HMG20A: variants seen among roughly 807,000 people sequenced by gnomAD.
HMG20A encodes the protein high mobility group protein 20A.
In HMG20A, 17 loss-of-function variants were observed where a neutral mutation model predicts 43.9. The observed-to-expected ratio is 0.39, with a 90% CI of 0.27 to 0.58. The LOEUF (loss-of-function observed/expected upper bound fraction) is 0.58. Among genes scored for constraint, HMG20A ranks in the 20% least tolerant of loss-of-function variants. The pLI is 0.59. For missense variants in HMG20A, 341 were observed against 438.2 expected, an observed-to-expected ratio of 0.78 and a Z score of 1.98; for synonymous variants, 132 against 147.5, an observed-to-expected ratio of 0.89 and a Z score of 0.76.
chr15:77,500,267 A>T, the HMG20A span, among the ~76,000 whole-genome samples: 1 of 152,232 alleles, frequency 6.6e-6, no homozygotes, highest in Non-Finnish European at 1.5e-5. Flanking sequence ...AAGGACCTAA[A>T]GCCACATAGC....
chr15:77,473,656 C>T (rs1237947224), intron 6 of HMG20A, among the ~76,000 whole-genome samples: 1 of 152,188 alleles, frequency 6.6e-6, no homozygotes, highest in African/African-American at 2.4e-5. Context: ...GAACCTGCTG[C>T]TGATTATTTG....
intron 1 of HMG20A, among the ~76,000 whole-genome samples, chr15:77,439,527 C>A (rs534407436): frequency 6.6e-6 from 1 of 152,096 alleles, no homozygotes; most frequent in African/African-American, 2.4e-5. Flanking sequence ...CTTGGCTCAT[C>A]ATTATATCTA....
Position 77,433,918 on chromosome 15 carries a change from A to G in HMG20A, c.-5+12914A>G, listed in dbSNP as rs149012091. 4.2e-3 allele frequency among the ~76,000 whole-genome samples: 645 copies of G among 152,356 alleles called. 7 individuals carry two copies. The highest frequency in any genetic ancestry group is 0.011 in the Admixed American group (167 of 15,304). ...AGTTGATTCTAAAATTCACATAGAC[A>G]TGAAAAGGACTAAGTAGTCAAGACA... On this transcript the variant is annotated intron_variant, in intron 1 of 9. Coordinates refer to ENST00000336216, the MANE Select transcript of HMG20A (RefSeq NM_001304504.2).
In HMG20A at chr15:77,433,338, T is replaced by TAAAA. The variant is rs56217820; in HGVS notation, c.-5+12354_-5+12357dup. 2.3e-3 allele frequency among the ~76,000 whole-genome samples: 269 copies of TAAAA among 118,518 alleles called. 1 individual carries two copies. The highest frequency in any genetic ancestry group is 6.2e-3 in the African/African-American group (183 of 29,680). 77.8% of individuals were successfully genotyped at this position (118,518 alleles called of 152,430 possible). A position where few individuals can be genotyped will look rare whatever the true frequency, so the allele number is the denominator to read the frequency against. On this transcript the variant is annotated intron_variant, in intron 1 of 9. Transcript: ENST00000336216. ...GCCTGGATGTTAGAGACCCTGTCTCTAAAAAAAAAAAAAAAAAAAAAAATT... is the reference window on the plus strand; with the variant it reads ...GCCTGGATGTTAGAGACCCTGTCTCTAAAAAAAAAAAAAAAAAAAAAAAAAAATT...
chr15:77,481,231 A>G lies in HMG20A; in HGVS notation c.*7-1739A>G, dbSNP rs143704200. Among the ~76,000 whole-genome samples the G allele has an allele frequency of 4.3e-3, 652 of 152,286 alleles. 1 individual carries two copies. Among genetic ancestry groups the G allele is most frequent in the African/African-American group, 0.013 (556 of 41,566 alleles). On this transcript the variant is annotated intron_variant, in intron 9 of 9. Coordinates refer to ENST00000336216, the MANE Select transcript of HMG20A (RefSeq NM_001304504.2). ...ATGCTCTGATGGGGAAAGGATTACT[A>G]TCCTTCTAGGGAGTAGCCAGATGGA...
At chr15:77,497,686 T>A in the HMG20A span, among the ~76,000 whole-genome samples, 5,601 of 69,524 alleles carry the variant, frequency 0.081, 285 homozygotes, top group African/African-American at 0.2. Flanking sequence ...AGAGAGAGTG[T>A]GTGTGTGTGT....
In HMG20A at chr15:77,478,331, A is replaced by T. The variant is rs202005653; in HGVS notation, c.728A>T (p.Asn243Ile). The T allele has an allele frequency of 5.0e-6, 8 of 1,613,572 alleles. No individual in the cohort carries two copies. The highest frequency in any genetic ancestry group is 1.7e-6 in the Non-Finnish European group (2 of 1,180,042). The change falls in exon 8 of 10, where the codon AAC (asparagine) becomes ATC (isoleucine). Residue 243 changes from asparagine to isoleucine, a missense_variant. By Grantham distance (149) the Asn-to-Ile change is moderately radical (BLOSUM62 -3). This residue lies in a region of HMG20A where 118 missense variants were observed against 154.5 expected (regional missense o/e 0.76). Coordinates refer to ENST00000336216, the MANE Select transcript of HMG20A (RefSeq NM_001304504.2). ...EAELRQLRKSNMEFEERNAAL... is the reference protein window; with the variant it reads ...EAELRQLRKSIMEFEERNAAL... ...GAGCTCCGCCAGCTTCGCAAATCCAACATGGAGTTTGAGGAGAGGAATGCA... is the reference window on the plus strand; with the variant it reads ...GAGCTCCGCCAGCTTCGCAAATCCATCATGGAGTTTGAGGAGAGGAATGCA...
At chr15:77,425,606 A>AT (rs71447153) in intron 1 of HMG20A, among the ~76,000 whole-genome samples, 11,150 of 152,234 alleles carry the variant, frequency 0.073, 548 homozygotes, top group Non-Finnish European at 0.1. Context: ...AAAAAAGTAA[A>AT]TTGTTACTAA....
At chr15:77,473,200 A>C (rs557002413) in intron 6 of HMG20A, among the ~76,000 whole-genome samples, 1 of 152,364 alleles carries the variant, frequency 6.6e-6, no homozygotes, top group East Asian at 1.9e-4. Flanking sequence ...TATTCTTCAG[A>C]TAAATCCTAT....
At chr15:77,517,029 C>A in the HMG20A span, among the ~76,000 whole-genome samples, 3 of 152,172 alleles carry the variant, frequency 2.0e-5, no homozygotes, top group East Asian at 5.8e-4. Context: ...CCTGCTCGAG[C>A]CAGTCTTGGC....
intron 1 of HMG20A, among the ~76,000 whole-genome samples, chr15:77,456,452 G>A (rs1438703476): frequency 1.3e-5 from 2 of 152,012 alleles, no homozygotes; most frequent in Non-Finnish European, 2.9e-5. Flanking sequence ...AGGCCGAAGT[G>A]GGCGGATCAC....
At chr15:77,465,421 A>C (rs898528036) in intron 3 of HMG20A, among the ~76,000 whole-genome samples, 2 of 124,484 alleles carry the variant, frequency 1.6e-5, no homozygotes, top group Admixed American at 8.7e-5. Context: ...TTTGAGGTGG[A>C]GTCTTATTCT....
intron 1 of HMG20A, among the ~76,000 whole-genome samples, chr15:77,454,999 G>C (rs2072641179): frequency 6.6e-6 from 1 of 152,016 alleles, no homozygotes; most frequent in African/African-American, 2.4e-5. Flanking sequence ...TGGTTGGAGA[G>C]GGAGTGGTGC....
intron 2 of HMG20A, among the ~76,000 whole-genome samples, chr15:77,463,503 C>T (rs1363443400): frequency 1.3e-5 from 2 of 152,182 alleles, no homozygotes; most frequent in South Asian, 4.1e-4. Flanking sequence ...TACTCACTAG[C>T]ACATGGTGTT....
chr15:77,504,838 A>C, the HMG20A span, among the ~76,000 whole-genome samples: 1 of 152,312 alleles, frequency 6.6e-6, no homozygotes, highest in Admixed American at 6.5e-5. Flanking sequence ...CCCGCCACTC[A>C]CCAACTTCAG....
At chr15:77,448,149 T>C (rs2073695618) in intron 1 of HMG20A, among the ~76,000 whole-genome samples, 1 of 152,258 alleles carries the variant, frequency 6.6e-6, no homozygotes, top group African/African-American at 2.4e-5. Flanking sequence ...AGCTGTTTTG[T>C]TGCAGTCGCT....
In HMG20A at chr15:77,445,731, C is replaced by A. The variant is rs141362048; in HGVS notation, c.-4-12673C>A. Among the ~76,000 whole-genome samples the A allele has an allele frequency of 8.9e-4, 135 of 152,268 alleles. 2 individuals carry two copies. The East Asian group carries it at 0.021, about 24-fold the overall frequency. On this transcript the variant is annotated intron_variant, in intron 1 of 9. Coordinates refer to ENST00000336216, the MANE Select transcript of HMG20A (RefSeq NM_001304504.2). ...ACCAGCCCTGCGATACTGCGACAGT[C>A]GATCCAATAACCTAGAAGGCTGCTA... is the stretch of plus-strand genomic sequence containing the variant.
chr15:77,503,215 T>C, the HMG20A span, among the ~76,000 whole-genome samples: 3 of 152,124 alleles, frequency 2.0e-5, no homozygotes, highest in African/African-American at 7.2e-5. Flanking sequence ...CTAGAGCTTA[T>C]GGGGAGAGGG....
chr15:77,510,882 C>A, the HMG20A span, among the ~76,000 whole-genome samples: 435 of 152,338 alleles, frequency 2.9e-3, 2 homozygotes, highest in African/African-American at 8.1e-3. Context: ...GCGCTGAGGC[C>A]ATCTGCAAAC....
Sources: allele counts gnomAD v4.1 joint callset (sites outside exome capture counted in the v4.1 genomes callset), GRCh38; gene constraint gnomAD v4.1.1; regional missense constraint gnomAD v4.1.1; transcripts MANE v1.5; gene names NCBI Gene and HGNC (gene_info 2026-07-23, HGNC 2026-07-21).